The following UBR2 variants were observed in gnomAD, a reference collection of about 807,000 sequenced individuals.
The protein encoded by UBR2 is E3 ubiquitin-protein ligase UBR2.
A neutral mutation model predicts 247.9 loss-of-function variants in UBR2; 92 were observed. That is an observed-to-expected ratio of 0.37 (90% CI 0.31 to 0.44). The LOEUF (loss-of-function observed/expected upper bound fraction) is 0.44, where lower values mean the gene tolerates loss of function less well. UBR2 is among the 20% of genes least tolerant of loss of function. UBR2 has a pLI of 1.00. For missense variants in UBR2, 1,613 were observed against 2,112.6 expected (o/e 0.76, Z 4.64); for synonymous variants, 672 against 693.5 (o/e 0.97, Z 0.49).
chr6:42,576,792 A>T (rs1454176151), intron 2 of UBR2, among the ~76,000 whole-genome samples: 1 of 152,050 alleles, frequency 6.6e-6, no homozygotes, highest in Non-Finnish European at 1.5e-5. Context: ...AAGTGCTGGG[A>T]TTAAAGGCCT....
intron 21 of UBR2, among the ~76,000 whole-genome samples, chr6:42,647,832 G>A (rs1278462776): frequency 3.3e-5 from 5 of 152,012 alleles, no homozygotes; most frequent in African/African-American, 7.2e-5. Flanking sequence ...CCTTTAGAAA[G>A]CTCTTACCTT....
chr6:42,632,935 C>CT, intron 13 of UBR2, 31 bp downstream of exon 13: 16 of 1,101,264 alleles, frequency 1.5e-5, no homozygotes, highest in South Asian at 5.2e-5. Flanking sequence ...TTTTCTTTTT[C>CT]CTTTTTTTTT....
chr6:42,652,399 A>ATTCT, intron 24 of UBR2, 92 bp from the exon 25 acceptor site: 1 of 1,390,122 alleles, frequency 7.2e-7, no homozygotes, highest in Non-Finnish European at 9.8e-7. Context: ...GTTAATGAAT[A>ATTCT]TTCTTTGAGT....
chr6:42,618,801 G>T (rs977689086), intron 11 of UBR2, among the ~76,000 whole-genome samples: 2 of 152,174 alleles, frequency 1.3e-5, no homozygotes, highest in Non-Finnish European at 2.9e-5. Context: ...GATATTTTTA[G>T]GTGGTGAAAT....
At chr6:42,621,308 T>C (rs556466468) in intron 11 of UBR2, among the ~76,000 whole-genome samples, 1 of 152,332 alleles carries the variant, frequency 6.6e-6, no homozygotes, top group South Asian at 2.1e-4. Flanking sequence ...AGGGGCACCT[T>C]TGTCATAAAT....
intron 8 of UBR2, among the ~76,000 whole-genome samples, chr6:42,614,242 A>G (rs9471886): frequency 0.11 from 2,652 of 23,924 alleles, 201 homozygotes; most frequent in African/African-American, 0.25. Flanking sequence ...ACACACACAC[A>G]CACGCGCGCA....
At chr6:42,574,705 T>G (rs530033981) in intron 2 of UBR2, among the ~76,000 whole-genome samples, 2,544 of 151,832 alleles carry the variant, frequency 0.017, 68 homozygotes, top group African/African-American at 0.059. Flanking sequence ...CCTTTTTTTT[T>G]TTTTTTCTGA....
intron 2 of UBR2, among the ~76,000 whole-genome samples, chr6:42,583,992 A>ATTT (rs199507142): frequency 8.3e-5 from 10 of 120,610 alleles, no homozygotes; most frequent in Admixed American, 1.7e-4. Context: ...TCCCCATTGA[A>ATTT]TTTTTTTTTT....
At position 42,692,800 on chromosome 6, in the gene UBR2, C is replaced by A. The variant is rs1359257321; in HGVS notation, c.*1627C>A. Reference sequence around the variant, plus strand: ...AAGGTAGTGTGTGAAAGAACCGCCCCCTCTTGACAGGAGGATGACCGTCGC... The same window carrying A: ...AAGGTAGTGTGTGAAAGAACCGCCCACTCTTGACAGGAGGATGACCGTCGC... On this transcript the variant is annotated 3_prime_UTR_variant, in exon 47 of 47. Coordinates refer to ENST00000372901, the MANE Select transcript of UBR2 (RefSeq NM_001363705.2). The A allele has an allele frequency of 6.6e-6, 1 of 152,156 alleles. No homozygotes were observed. The highest frequency in any genetic ancestry group is 2.4e-5 in the African/African-American group (1 of 41,418). The allele number at this position is 152,156 out of a possible 1,614,324, so 9.4% of individuals were successfully genotyped here. A position where few individuals can be genotyped will look rare whatever the true frequency, so the allele number is the denominator to read the frequency against.
chr6:42,662,338 A>G (rs1797863208), intron 31 of UBR2, 61 bp downstream of exon 31: 15 of 1,062,488 alleles, frequency 1.4e-5, no homozygotes, highest in Middle Eastern at 4.1e-4. Flanking sequence ...TATTTTTTAA[A>G]TAGAGGAAAT....
chr6:42,684,923 T>G, intron 44 of UBR2, 52 bp downstream of exon 44: 8 of 1,461,116 alleles, frequency 5.5e-6, no homozygotes, highest in South Asian at 1.2e-5. Flanking sequence ...AACACCTCTC[T>G]ACAAAGAATT....
At position 42,663,239 on chromosome 6, in the gene UBR2, A is replaced by G. The variant is rs1797923129; in HGVS notation, c.3537-19A>G. 5.1e-6 allele frequency: 8 copies of G among 1,575,558 alleles called. No individual in the cohort carries two copies. The highest frequency in any genetic ancestry group is 6.9e-6 in the Non-Finnish European group (8 of 1,159,852). On this transcript the variant is annotated intron_variant, in intron 31 of 46. Coordinates refer to ENST00000372901, the MANE Select transcript of UBR2 (RefSeq NM_001363705.2). Reference sequence around the variant, plus strand: ...TAAATTACCATTGTTTTGATACCTCATGTTCTCTAATTGTAAAGGTATTTT... The same window carrying G: ...TAAATTACCATTGTTTTGATACCTCGTGTTCTCTAATTGTAAAGGTATTTT...
intron 11 of UBR2, among the ~76,000 whole-genome samples, chr6:42,628,058 A>G (rs1396887070): frequency 6.6e-6 from 1 of 152,088 alleles, no homozygotes; most frequent in East Asian, 1.9e-4. Context: ...CAGAATAGAC[A>G]AATGCTGAGG....
intron 11 of UBR2, among the ~76,000 whole-genome samples, chr6:42,632,069 A>AATATATAT (rs1554254886): frequency 2.3e-4 from 26 of 114,074 alleles, no homozygotes; most frequent in African/African-American, 8.8e-4. Context: ...AAAAAAAAAA[A>AATATATAT]ATATATATAT....
intron 18 of UBR2, 93 bp from the exon 19 acceptor site, chr6:42,644,121 G>A: frequency 7.4e-7 from 1 of 1,343,642 alleles, no homozygotes; most frequent in South Asian, 1.5e-5. Flanking sequence ...CTTTCTCTTG[G>A]GCAAGCCAAA....
intron 25 of UBR2, among the ~76,000 whole-genome samples, chr6:42,654,568 TA>T (rs1390164013): frequency 6.6e-6 from 1 of 151,910 alleles, no homozygotes; most frequent in Non-Finnish European, 1.5e-5. Flanking sequence ...CTACTAAAAA[TA>T]AAAAAATTAG....
intron 4 of UBR2, among the ~76,000 whole-genome samples, chr6:42,601,883 T>C: frequency 7.5e-6 from 1 of 134,014 alleles, no homozygotes; most frequent in Non-Finnish European, 1.6e-5. Context: ...TTCTTTTTTT[T>C]TTTTTTGATG....
intron 26 of UBR2, among the ~76,000 whole-genome samples, chr6:42,657,317 C>G (rs971687626): frequency 1.3e-5 from 2 of 151,882 alleles, no homozygotes; most frequent in Non-Finnish European, 2.9e-5. Flanking sequence ...CAACATTACT[C>G]TTAACTTGTC....
chr6:42,688,230 G>C lies in UBR2; in HGVS notation c.4868G>C (p.Gly1623Ala). 1 of 1,614,156 alleles carries C rather than the reference G, an allele frequency of 6.2e-7. No individual in the cohort carries two copies. The highest frequency in any genetic ancestry group is 1.6e-4 in the Middle Eastern group (1 of 6,062). Residue 1623 changes from glycine (G) to alanine (A), a missense_variant, in exon 45 of 47, where the codon GGT (glycine) becomes GCT (alanine). Physicochemically the swap from Gly to Ala is moderately conservative, Grantham distance 60. Coordinates refer to ENST00000372901, the MANE Select transcript of UBR2 (RefSeq NM_001363705.2). ...ATCCCTTGGAGGTGCCCGAAATCAG[G>C]TGGTGATAAGAGCAGAGCCCCAACT... ...QASNFSCPKSGGDKSRAPTLC... is the reference protein window; with the variant it reads ...QASNFSCPKSAGDKSRAPTLC...
Sources: gnomAD v4.1 joint callset for allele counts (sites outside exome capture counted in the v4.1 genomes callset) on GRCh38, gnomAD v4.1.1 for gene constraint, MANE v1.5 for transcripts, NCBI Gene and HGNC (gene_info 2026-07-23, HGNC 2026-07-21) for gene names.